Variants in ELF2 observed in about 807,000 individuals in gnomAD.
ELF2 encodes ETS-related transcription factor Elf-2.
Under a neutral mutation model 54.8 loss-of-function variants are expected in ELF2, and 11 were observed. The ratio of observed to expected loss-of-function variants is 0.20; its 90% confidence interval spans 0.13 to 0.33. The LOEUF (loss-of-function observed/expected upper bound fraction) is 0.33. ELF2 is among the 10% of genes least tolerant of loss of function. The pLI is 1.00. For missense variants in ELF2, 513 were observed against 703.0 expected (o/e 0.73, Z 3.06); for synonymous variants, 203 against 245.1 (o/e 0.83, Z 1.61).
At chr4:139,088,279 C>CT (rs1281681101) in intron 4 of ELF2, among the ~76,000 whole-genome samples, 1 of 84,486 alleles carries the variant, frequency 1.2e-5, no homozygotes, top group Non-Finnish European at 2.2e-5. Context: ...GAACAAGACT[C>CT]TGTCTAAAAA....
chr4:139,061,776 A>C (rs948828336), intron 8 of ELF2, 89 bp downstream of exon 8: 10 of 1,457,534 alleles, frequency 6.9e-6, no homozygotes, highest in Non-Finnish European at 8.3e-6. Flanking sequence ...AAAAGTTGTA[A>C]AGGATTTTCA....
chr4:139,176,170 A>G (rs1338803836), intron 1 of ELF2, among the ~76,000 whole-genome samples: 1 of 152,156 alleles, frequency 6.6e-6, no homozygotes, highest in Non-Finnish European at 1.5e-5. Flanking sequence ...CGGTCACTGG[A>G]CGTGCCTGTT....
At chr4:139,140,998 T>C (rs985835656) in intron 1 of ELF2, among the ~76,000 whole-genome samples, 1 of 152,160 alleles carries the variant, frequency 6.6e-6, no homozygotes, top group African/African-American at 2.4e-5. Context: ...TCTGTCTTCA[T>C]AGGACTTGCT....
intron 5 of ELF2, among the ~76,000 whole-genome samples, chr4:139,073,220 A>C (rs1729770044): frequency 6.6e-6 from 1 of 152,208 alleles, no homozygotes; most frequent in East Asian, 1.9e-4. Flanking sequence ...TAGCTATTTA[A>C]TAAATATTTG....
At chr4:139,149,778 A>C (rs753399008) in intron 1 of ELF2, among the ~76,000 whole-genome samples, 1 of 152,244 alleles carries the variant, frequency 6.6e-6, no homozygotes, top group Non-Finnish European at 1.5e-5. Flanking sequence ...CCATGTTCAT[A>C]GGTAGGTATA....
At chr4:139,159,585 C>A (rs1401506152) in intron 1 of ELF2, among the ~76,000 whole-genome samples, 1 of 152,042 alleles carries the variant, frequency 6.6e-6, no homozygotes, top group Non-Finnish European at 1.5e-5. Flanking sequence ...TTGTCCTGAG[C>A]CATGGGATCT....
At chr4:139,127,993 G>A (rs1465081035) in intron 3 of ELF2, among the ~76,000 whole-genome samples, 2 of 151,216 alleles carry the variant, frequency 1.3e-5, no homozygotes, top group Admixed American at 6.6e-5. Flanking sequence ...ATTCAGACCA[G>A]GTTCAGCGGC....
intron 5 of ELF2, 198 bp from the exon 6 acceptor site, chr4:139,072,237 C>T: frequency 1.9e-6 from 1 of 533,598 alleles, no homozygotes; most frequent in East Asian, 3.6e-5. Flanking sequence ...GGAAAATCAA[C>T]TTAAAGGAAA....
intron 1 of ELF2, among the ~76,000 whole-genome samples, chr4:139,151,316 G>T (rs953648147): frequency 3.3e-5 from 5 of 151,946 alleles, no homozygotes; most frequent in Admixed American, 3.3e-4. Flanking sequence ...AAAAAGCAAA[G>T]AATTAGTTTT....
intron 1 of ELF2, among the ~76,000 whole-genome samples, chr4:139,148,949 C>T (rs967305879): frequency 6.6e-6 from 1 of 152,118 alleles, no homozygotes; most frequent in Non-Finnish European, 1.5e-5. Context: ...TTGGTAGATG[C>T]GGTACAAATG....
intron 4 of ELF2, 52 bp downstream of exon 4, chr4:139,125,112 A>G: frequency 6.4e-7 from 1 of 1,569,888 alleles, no homozygotes. Flanking sequence ...GTATTGTTGA[A>G]GCTTACAAAA....
In ELF2 at chr4:139,089,074, T is replaced by C. The variant is rs115339447; in HGVS notation, c.239-15507A>G. 6.6e-4 allele frequency among the ~76,000 whole-genome samples: 101 copies of C among 152,322 alleles called. 1 individual carries two copies. Among genetic ancestry groups the C allele is most frequent in the African/African-American group, 2.1e-3 (88 of 41,568 alleles). ...GCCTGGCCAAGGACTTTCAATACTA[T>C]TTCTATACTGATTCAAAAATCAGCA... On this transcript the variant is annotated intron_variant, in intron 4 of 9. Transcript: ENST00000686138.
intron 4 of ELF2, among the ~76,000 whole-genome samples, chr4:139,082,418 G>C (rs1245007089): frequency 6.6e-6 from 1 of 152,104 alleles, no homozygotes; most frequent in Non-Finnish European, 1.5e-5. Context: ...TTCTTGTTCT[G>C]ACCAGAAAGC....
intron 1 of ELF2, among the ~76,000 whole-genome samples, chr4:139,175,160 T>C (rs1331998298): frequency 2.0e-5 from 3 of 152,336 alleles, no homozygotes; most frequent in South Asian, 2.1e-4. Flanking sequence ...AAAAATGGTA[T>C]ACAACATGAG....
At chr4:139,112,669 T>C (rs554110464) in intron 4 of ELF2, among the ~76,000 whole-genome samples, 1 of 152,380 alleles carries the variant, frequency 6.6e-6, no homozygotes, top group East Asian at 1.9e-4. Context: ...TTAATAAAAC[T>C]GTATTATTTA....
intron 4 of ELF2, among the ~76,000 whole-genome samples, chr4:139,120,612 A>AC (rs1295617524): frequency 7.4e-6 from 1 of 136,006 alleles, no homozygotes; most frequent in Non-Finnish European, 1.6e-5. Context: ...CTAATTTTTA[A>AC]ATTTTTTTTT....
chr4:139,066,461 A>T (rs999515933), intron 7 of ELF2: 10 of 149,564 alleles, frequency 6.7e-5, no homozygotes, highest in South Asian at 2.1e-4. Flanking sequence ...TTTTAAAATT[A>T]AAAAAAAAAG....
intron 4 of ELF2, chr4:139,114,943 G>A: frequency 1.2e-6 from 2 of 1,613,240 alleles, no homozygotes; most frequent in Non-Finnish European, 1.7e-6. Flanking sequence ...CTTCTTCTGG[G>A]GTGTGCTCAG....
At position 139,059,272 on chromosome 4, in the gene ELF2, G is replaced by C; in HGVS notation, c.1493C>G (p.Pro498Arg). The C allele has an allele frequency of 6.2e-7, 1 of 1,613,918 alleles. No individual in the cohort carries two copies. Residue 498 changes from proline to arginine, a missense_variant, in exon 10 of 10, where the codon CCT (proline) becomes CGT (arginine). Coordinates refer to ENST00000686138, the MANE Select transcript of ELF2 (RefSeq NM_001331036.3). ...AGGTGTACCATGGGCTATTGAAACA[G>C]GGGTAAGTGCTCTCACAGCCAATGG... ...GTPLAVRALT[P>R]VSIAHGTPVM... is the part of the protein sequence containing the mutation.
Sources: allele counts gnomAD v4.1 joint callset (sites outside exome capture counted in the v4.1 genomes callset), GRCh38; gene constraint gnomAD v4.1.1; transcripts MANE v1.5; gene names NCBI Gene and HGNC (gene_info 2026-07-23, HGNC 2026-07-21).